CWC27: variants seen among roughly 807,000 people sequenced by gnomAD.
CWC27 encodes the protein spliceosome-associated protein CWC27 homolog.
CWC27 carries 47 observed loss-of-function variants against 63.6 expected under a neutral mutation model. That is an observed-to-expected ratio of 0.74 (90% confidence interval 0.58 to 0.94). The LOEUF (loss-of-function observed/expected upper bound fraction) is 0.94. Among genes scored for constraint, CWC27 ranks in the 40% least tolerant of loss-of-function variants. The probability of loss-of-function intolerance (pLI) is 0.00; values close to 1 mark genes in which losing one functional copy is unlikely to be tolerated. For missense variants in CWC27, 495 were observed against 554.3 expected, an observed-to-expected ratio of 0.89 and a Z score of 1.07; for synonymous variants, 175 against 179.8, an observed-to-expected ratio of 0.97 and a Z score of 0.22.
At chr5:64,864,987 A>T (rs1746500896) in intron 10 of CWC27, among the ~76,000 whole-genome samples, 1 of 152,078 alleles carries the variant, frequency 6.6e-6, no homozygotes, top group Non-Finnish European at 1.5e-5. Context: ...TCAAAAATGT[A>T]TGCCTCCTAT....
chr5:65,017,822 T>C (rs925888000), intron 13 of CWC27, among the ~76,000 whole-genome samples: 1 of 152,252 alleles, frequency 6.6e-6, no homozygotes, highest in Admixed American at 6.5e-5. Flanking sequence ...ATGTGTTCTT[T>C]AAAGGAAGCA....
chr5:64,939,808 C>T (rs1748434060), intron 11 of CWC27, among the ~76,000 whole-genome samples: 1 of 147,316 alleles, frequency 6.8e-6, no homozygotes, highest in African/African-American at 2.7e-5. Flanking sequence ...TTCAGAGATG[C>T]CTTGCCCAGA....
intron 13 of CWC27, among the ~76,000 whole-genome samples, chr5:64,995,020 T>C (rs1749606249): frequency 1.3e-5 from 2 of 151,494 alleles, no homozygotes; most frequent in African/African-American, 2.4e-5. Context: ...TTTTTTTTTT[T>C]TTTTTTGAGA....
At chr5:64,823,086 T>A (rs1745253551) in intron 10 of CWC27, among the ~76,000 whole-genome samples, 1 of 152,210 alleles carries the variant, frequency 6.6e-6, no homozygotes, top group East Asian at 1.9e-4. Flanking sequence ...AACCAATTTT[T>A]CTGAATCTCC....
intron 10 of CWC27, among the ~76,000 whole-genome samples, chr5:64,839,159 G>A (rs544880204): frequency 6.6e-6 from 1 of 152,272 alleles, no homozygotes; most frequent in East Asian, 1.9e-4. Context: ...TGAAGTACTT[G>A]TATTCATTGA....
chr5:64,812,926 G>T (rs1472961850), intron 10 of CWC27, among the ~76,000 whole-genome samples: 1 of 152,062 alleles, frequency 6.6e-6, no homozygotes, highest in Admixed American at 6.6e-5. Flanking sequence ...TTCAGGAAAA[G>T]ATCAAAATAC....
chr5:65,008,843 G>A (rs1749894766), intron 13 of CWC27, among the ~76,000 whole-genome samples: 2 of 151,862 alleles, frequency 1.3e-5, no homozygotes, highest in South Asian at 2.1e-4. Context: ...GTGTAGATAG[G>A]ACATATTTAG....
chr5:64,796,416 G>A (rs572982979), intron 7 of CWC27, among the ~76,000 whole-genome samples: 2 of 152,146 alleles, frequency 1.3e-5, no homozygotes, highest in African/African-American at 2.4e-5. Flanking sequence ...ACACAGGCTG[G>A]AAACTCAGGC....
At chr5:64,776,951 G>A (rs1417144751) in intron 2 of CWC27, among the ~76,000 whole-genome samples, 1 of 152,012 alleles carries the variant, frequency 6.6e-6, no homozygotes, top group Non-Finnish European at 1.5e-5. Flanking sequence ...TTTGGTCTTT[G>A]CAGCATAGTT....
chr5:64,919,499 C>T (rs1291666049), intron 11 of CWC27, among the ~76,000 whole-genome samples: 1 of 152,196 alleles, frequency 6.6e-6, no homozygotes. Context: ...CCAACCTACA[C>T]CCTCATCCTA....
chr5:64,788,796 ACTT>A (rs1323127062), intron 6 of CWC27, among the ~76,000 whole-genome samples, 152 bp from the exon 7 acceptor site: 1 of 152,032 alleles, frequency 6.6e-6, no homozygotes, highest in African/African-American at 2.4e-5. Context: ...TCGTTAGAAT[ACTT>A]CTGCTGAATA....
chr5:64,917,688 GC>G (rs1554024068), intron 11 of CWC27, among the ~76,000 whole-genome samples: 3 of 152,150 alleles, frequency 2.0e-5, no homozygotes, highest in Non-Finnish European at 4.4e-5. Flanking sequence ...AACTCCATCT[GC>G]CTATCTTCTT....
intron 13 of CWC27, among the ~76,000 whole-genome samples, chr5:65,010,848 T>C (rs891320215): frequency 6.6e-6 from 1 of 152,236 alleles, no homozygotes; most frequent in Non-Finnish European, 1.5e-5. Context: ...GGCATTATCA[T>C]GTAAGAGTTT....
chr5:64,771,781 A>G (rs1013692356), intron 1 of CWC27, among the ~76,000 whole-genome samples: 1 of 152,220 alleles, frequency 6.6e-6, no homozygotes, highest in African/African-American at 2.4e-5. Context: ...AGTGATGACC[A>G]AAGAGAATGT....
At chr5:64,814,448 A>G (rs141432904) in intron 10 of CWC27, among the ~76,000 whole-genome samples, 1 of 152,158 alleles carries the variant, frequency 6.6e-6, no homozygotes, top group East Asian at 1.9e-4. Context: ...ACAGATATTT[A>G]TTATTATTCT....
intron 10 of CWC27, among the ~76,000 whole-genome samples, chr5:64,852,478 C>CT (rs538486678): frequency 0.34 from 48,694 of 145,276 alleles, 8,197 homozygotes; most frequent in East Asian, 0.5. Context: ...GGACGAAAAC[C>CT]TTTTTTTTTT....
rs144850363 is a variant in CWC27, at chr5:64,770,297, C to G, written c.42+1109C>G. Among the ~76,000 whole-genome samples, 828 of 152,248 alleles carry G rather than the reference C, an allele frequency of 5.4e-3. 4 individuals are homozygous for G. Among genetic ancestry groups the G allele is most frequent in the African/African-American group, 0.018 (765 of 41,538 alleles). ...ATTGTAGATTAGTATGTCCATCCCACCCCTCACCTATCTTATTTAATATCA... is the reference window on the plus strand; with the variant it reads ...ATTGTAGATTAGTATGTCCATCCCAGCCCTCACCTATCTTATTTAATATCA... On this transcript the variant is annotated intron_variant, in intron 1 of 13. Coordinates refer to ENST00000381070, the MANE Select transcript of CWC27 (RefSeq NM_005869.4).
chr5:64,919,894 A>G (rs947614910), intron 11 of CWC27, among the ~76,000 whole-genome samples: 2 of 152,142 alleles, frequency 1.3e-5, no homozygotes, highest in Non-Finnish European at 2.9e-5. Context: ...TCTTTTTGGT[A>G]GACACATTGA....
At chr5:64,879,679 A>G (rs892742225) in intron 10 of CWC27, among the ~76,000 whole-genome samples, 5 of 151,818 alleles carry the variant, frequency 3.3e-5, no homozygotes, top group African/African-American at 1.2e-4. Context: ...AGGGGGTCAT[A>G]AGTTACTTTT....
Sources: gnomAD v4.1 joint callset for allele counts (sites outside exome capture counted in the v4.1 genomes callset) on GRCh38, gnomAD v4.1.1 for gene constraint, MANE v1.5 for transcripts, NCBI Gene and HGNC (gene_info 2026-07-23, HGNC 2026-07-21) for gene names.